The following ATXN2 variants were observed in gnomAD, a reference collection of about 807,000 sequenced individuals.
ATXN2 encodes the protein ataxin 2.
A neutral mutation model predicts 138.6 loss-of-function variants in ATXN2; 37 were observed. The observed-to-expected ratio is 0.27, with a 90% CI of 0.21 to 0.35. The LOEUF (loss-of-function observed/expected upper bound fraction) is 0.35, where lower values mean the gene tolerates loss of function less well. ATXN2 is among the 10% of genes least tolerant of loss of function. The pLI is 1.00. For missense variants in ATXN2, 1,216 were observed against 1,480.3 expected (o/e 0.82, Z 2.93); for synonymous variants, 549 against 543.7 (o/e 1.01, Z -0.13).
chr12:111,571,514 T>A (rs1008374946), intron 1 of ATXN2, among the ~76,000 whole-genome samples: 2 of 151,842 alleles, frequency 1.3e-5, no homozygotes, highest in African/African-American at 4.8e-5. Flanking sequence ...GGCAGAACAA[T>A]GATGGAGGAG....
chr12:111,560,016 GGGAAA>G (rs1234389958), intron 1 of ATXN2, among the ~76,000 whole-genome samples: 25 of 152,242 alleles, frequency 1.6e-4, no homozygotes, highest in Admixed American at 9.8e-4. Context: ...GCCAGAACTA[GGGAAA>G]GAGAGCTGGG....
intron 1 of ATXN2, among the ~76,000 whole-genome samples, chr12:111,582,930 A>G (rs1241594146): frequency 2.0e-5 from 3 of 150,196 alleles, no homozygotes; most frequent in Non-Finnish European, 4.4e-5. Context: ...GGCCTTCCAA[A>G]GTGCTGGGAT....
At chr12:111,538,259 A>C (rs1029260554) in intron 5 of ATXN2, among the ~76,000 whole-genome samples, 1 of 152,152 alleles carries the variant, frequency 6.6e-6, no homozygotes, top group Non-Finnish European at 1.5e-5. Context: ...TTACTAATAC[A>C]TTCTGTTTGT....
intron 14 of ATXN2, among the ~76,000 whole-genome samples, chr12:111,507,557 C>T (rs1286511756): frequency 2.0e-5 from 3 of 151,192 alleles, no homozygotes; most frequent in African/African-American, 7.3e-5. Context: ...AGCCCCCGCC[C>T]AGCCAGCCGC....
intron 21 of ATXN2, among the ~76,000 whole-genome samples, chr12:111,462,977 TACACACACACAC>T (rs59710594): frequency 6.8e-6 from 1 of 147,740 alleles, no homozygotes; most frequent in South Asian, 2.1e-4. Context: ...TATATATATA[TACACACACACAC>T]ACACACACAC....
At chr12:111,590,690 A>G (rs1411608369) in intron 1 of ATXN2, among the ~76,000 whole-genome samples, 3 of 151,762 alleles carry the variant, frequency 2.0e-5, no homozygotes, top group Non-Finnish European at 4.4e-5. Flanking sequence ...TCTAATTAAA[A>G]AAAAAAAAAC....
chr12:111,525,099 A>C (rs1000606721), intron 6 of ATXN2, 93 bp downstream of exon 6: 1 of 1,451,874 alleles, frequency 6.9e-7, no homozygotes, highest in African/African-American at 1.4e-5. Flanking sequence ...TCACTACAAT[A>C]ACAACAACAA....
chr12:111,478,109 C>A (rs1876951990), intron 18 of ATXN2, among the ~76,000 whole-genome samples: 1 of 149,020 alleles, frequency 6.7e-6, no homozygotes, highest in Non-Finnish European at 1.5e-5. Context: ...AACATTGAGA[C>A]AAAAAGAAAT....
At chr12:111,452,952 C>CA in intron 24 of ATXN2, 112 bp from the exon 25 acceptor site, 1 of 1,059,822 alleles carries the variant, frequency 9.4e-7, no homozygotes, top group Non-Finnish European at 1.1e-6. Context: ...GAACAAAACT[C>CA]AAAATTGAAT....
At chr12:111,485,982 A>G (rs1877612629) in intron 16 of ATXN2, 117 bp from the exon 17 acceptor site, 1 of 938,714 alleles carries the variant, frequency 1.1e-6, no homozygotes, top group Admixed American at 3.7e-5. Context: ...TGTCCCTTTT[A>G]TTGAAAACAA....
rs1198968756 is a variant in ATXN2 at position 111,456,141 on chromosome 12, G to A, written c.3158C>T (p.Thr1053Met). 2.5e-6 allele frequency: 4 copies of A among 1,614,254 alleles called. No homozygotes were observed. The highest frequency in any genetic ancestry group is 1.1e-5 in the South Asian group (1 of 91,090). The change falls in exon 23 of 25, where the codon ACG becomes ATG. Residue 1053 changes from threonine (T) to methionine (M), a missense_variant. Coordinates refer to ENST00000673436, the MANE Select transcript of ATXN2 (RefSeq NM_001372574.1). ...TGGGAAACTATTCTGTGGCGACTGCGTGTTGGAGGCAGGTGTCATGGAGGG... is the reference window on the plus strand; with the variant it reads ...TGGGAAACTATTCTGTGGCGACTGCATGTTGGAGGCAGGTGTCATGGAGGG... ...TPPSMTPASN[T>M]QSPQNSFPAA... is the part of the protein sequence containing the mutation.
rs1011462538 is a variant in ATXN2, at chr12:111,598,528, G to A, written c.251+256C>T. On this transcript the variant is annotated intron_variant, in intron 1 of 24. Coordinates refer to ENST00000673436, the MANE Select transcript of ATXN2 (RefSeq NM_001372574.1). This position sits in a 1 kb window ranked among gnomAD's most constrained non-coding sequence, Gnocchi z 4.5. ...CACGCGTGGGGAGGGGAGGCCGCCCGCTCCCTCCATCTTGACCGCCGGGGG... is the reference window on the plus strand; with the variant it reads ...CACGCGTGGGGAGGGGAGGCCGCCCACTCCCTCCATCTTGACCGCCGGGGG... The A allele has an allele frequency of 2.1e-5, 21 of 984,962 alleles. No homozygotes were observed. The African/African-American group carries it at 3.5e-4, about 16-fold the overall frequency. The allele number at this position is 984,962 out of a possible 1,614,324, so 61.0% of individuals were successfully genotyped here.
chr12:111,513,467 A>G lies in ATXN2; in HGVS notation c.1448T>C (p.Ile483Thr). ...NHRVSAGRGS[I>T]SSGLEFVSHN... ...GGATACAAATTCTAGGCCACTGGAT[A>G]TGGAACCCCTCCCAGCAGAAACTCT... Residue 483 changes from isoleucine (I) to threonine (T), a missense_variant, in exon 11 of 25, where the codon ATA becomes ACA. Ile to Thr is a moderately conservative substitution (Grantham distance 89). Transcript: ENST00000673436. 1.2e-6 allele frequency: 2 copies of G among 1,614,096 alleles called. No homozygotes were observed. The highest frequency in any genetic ancestry group is 1.7e-6 in the Non-Finnish European group (2 of 1,180,022).
intron 1 of ATXN2, among the ~76,000 whole-genome samples, chr12:111,578,486 C>T (rs891671900): frequency 3.9e-5 from 6 of 152,042 alleles, no homozygotes; most frequent in African/African-American, 1.2e-4. Context: ...TGTTCAGTAC[C>T]GCAACATGCT....
intron 17 of ATXN2, 136 bp from the exon 18 acceptor site, chr12:111,485,467 A>G (rs1877571804): frequency 1.0e-6 from 1 of 981,486 alleles, no homozygotes; most frequent in African/African-American, 1.6e-5. Flanking sequence ...TTAAAAAATT[A>G]GATCATACCC....
chr12:111,520,392 C>A (rs1880088579), intron 7 of ATXN2, among the ~76,000 whole-genome samples: 1 of 152,168 alleles, frequency 6.6e-6, no homozygotes, highest in Non-Finnish European at 1.5e-5. Flanking sequence ...GTGGCTCACA[C>A]CTGTAATCCC....
At chr12:111,482,832 C>CT (rs1214616169) in intron 18 of ATXN2, 1 of 146,754 alleles carries the variant, frequency 6.8e-6, no homozygotes, top group South Asian at 2.1e-4. Context: ...TGTTCCAAGG[C>CT]TAAAAAAAAA....
chr12:111,485,274 C>A lies in ATXN2; in HGVS notation c.2515G>T (p.Ala839Ser). 6.2e-7 allele frequency: 1 copy of A among 1,612,042 alleles called. No homozygotes were observed. The highest frequency in any genetic ancestry group is 8.5e-7 in the Non-Finnish European group (1 of 1,178,726). ...GCAGGATTATTCTCACCTTTACCTG[C>A]TCTATATGTCTTGGCTTGATTCACT... is the stretch of plus-strand genomic sequence containing the variant. ...MPVNQAKTYR[A>S]GKVPNMPQQR... is the part of the protein sequence containing the mutation. Residue 839 changes from alanine to serine, a missense_variant, in exon 18 of 25, where the codon GCA (alanine) becomes TCA (serine). By Grantham distance (99) the Ala-to-Ser change is moderately conservative. Transcript: ENST00000673436.
intron 18 of ATXN2, among the ~76,000 whole-genome samples, chr12:111,475,701 T>G (rs1876766652): frequency 6.6e-6 from 1 of 151,858 alleles, no homozygotes; most frequent in Non-Finnish European, 1.5e-5. Flanking sequence ...GCAACTGATT[T>G]TTTTAGTAGT....
Sources: gnomAD v4.1 joint callset for allele counts (sites outside exome capture counted in the v4.1 genomes callset) on GRCh38, gnomAD v4.1.1 for gene constraint, Gnocchi (gnomAD v3.1) non-coding constraint, MANE v1.5 for transcripts, NCBI Gene and HGNC (gene_info 2026-07-23, HGNC 2026-07-21) for gene names.